PKHD1L1: variants seen among roughly 807,000 people sequenced by gnomAD.
PKHD1L1 encodes fibrocystin-L.
In PKHD1L1, 434 loss-of-function variants were observed where a neutral mutation model predicts 462.9. That is an observed-to-expected ratio of 0.94 (90% CI 0.87 to 1.02). The LOEUF (loss-of-function observed/expected upper bound fraction) is 1.02. Among genes scored for constraint, PKHD1L1 ranks in the 50% least tolerant of loss-of-function variants. PKHD1L1 has a pLI of 0.00. For synonymous variants in PKHD1L1, 1,781 were observed against 1,750.0 expected (o/e 1.02, Z -0.44); for missense variants, 5,202 against 5,096.1 (o/e 1.02, Z -0.63).
rs775156607 is a variant in PKHD1L1, at chr8:109,404,600, G to A, written c.1420G>A (p.Val474Ile). The A allele has an allele frequency of 6.3e-7, 1 of 1,596,530 alleles. No individual in the cohort carries two copies. The highest frequency in any genetic ancestry group is 2.3e-5 in the East Asian group (1 of 43,924). ...LLQEYRLSAF[V>I]DVGLYQYRNV... is the part of the protein sequence containing the mutation. ...GCAGGAGTACAGATTAAGTGCATTT[G>A]TTGATGTTGGACTGTACCAGTATCG... is the stretch of plus-strand genomic sequence containing the variant. The change falls in exon 15 of 78, where the codon GTT becomes ATT. Residue 474 changes from valine to isoleucine, a missense_variant. This residue lies in a region of PKHD1L1 where 4,497 missense variants were observed against 4,336.8 expected (regional missense o/e 1.04). Coordinates refer to ENST00000378402, the MANE Select transcript of PKHD1L1 (RefSeq NM_177531.6).
Position 109,515,945 on chromosome 8 carries a change from C to T in PKHD1L1, c.11689+640C>T, listed in dbSNP as rs148501982. On this transcript the variant is annotated intron_variant, in intron 72 of 77. Coordinates refer to ENST00000378402, the MANE Select transcript of PKHD1L1 (RefSeq NM_177531.6). ...ATCATTTTCTGATATGATCCATATT[C>T]TTGGCTAACCATTATATAGATGTGT... is the stretch of plus-strand genomic sequence containing the variant. 5.5e-4 allele frequency among the ~76,000 whole-genome samples: 83 copies of T among 152,188 alleles called. 1 individual carries two copies. Among genetic ancestry groups the T allele is most frequent in the Non-Finnish European group, 1.1e-3 (73 of 67,996 alleles).
At chr8:109,468,505 G>C (rs1817561036) in intron 50 of PKHD1L1, among the ~76,000 whole-genome samples, 1 of 152,166 alleles carries the variant, frequency 6.6e-6, no homozygotes, top group Non-Finnish European at 1.5e-5. Flanking sequence ...TAAGTACTCA[G>C]CAAGTGTTGA....
chr8:109,382,354 C>G, intron 3 of PKHD1L1, 109 bp from the exon 4 acceptor site: 1 of 810,852 alleles, frequency 1.2e-6, no homozygotes, highest in East Asian at 2.9e-5. Flanking sequence ...CGACGTTGGA[C>G]ACTTTCTGTC....
rs201440356 is a variant in PKHD1L1 at position 109,385,577 on chromosome 8, C to T, written c.516C>T (p.Val172=). ...TCCAAGGCAGAATCTTCACTGATGTCTATGGAAGTAATATTGCACTAAGCT... is the reference window on the plus strand; with the variant it reads ...TCCAAGGCAGAATCTTCACTGATGTTTATGGAAGTAATATTGCACTAAGCT... ...ITIQGRIFTD[V]YGSNIALSSN... The change falls in exon 6 of 78, where the codon GTC becomes GTT. Residue 172 remains valine, a synonymous_variant. Transcript: ENST00000378402. 775 of 1,605,812 alleles carry T rather than the reference C, an allele frequency of 4.8e-4. 4 individuals are homozygous for T. Among genetic ancestry groups the T allele is most frequent in the Middle Eastern group, 2.5e-3 (15 of 6,034 alleles).
rs1363041018 is a variant in PKHD1L1, at chr8:109,426,368, C to A, written c.2846-634C>A. On this transcript the variant is annotated intron_variant, in intron 24 of 77. Transcript: ENST00000378402. ...TCAAAATGAATTGATATGAAAATAT[C>A]GACTGATATTTGATATTTGTGAATT... Among the ~76,000 whole-genome samples, 9 of 151,676 alleles carry A rather than the reference C, an allele frequency of 5.9e-5. No homozygotes were observed. The South Asian group carries it at 1.9e-3, about 32-fold the overall frequency.
At chr8:109,376,504 G>C (rs1811840748) in intron 2 of PKHD1L1, among the ~76,000 whole-genome samples, 1 of 152,086 alleles carries the variant, frequency 6.6e-6, no homozygotes, top group Non-Finnish European at 1.5e-5. Context: ...TGCACCCACT[G>C]TCCTGCACCC....
chr8:109,411,320 A>G (rs1009481785), intron 19 of PKHD1L1, among the ~76,000 whole-genome samples: 2 of 152,182 alleles, frequency 1.3e-5, no homozygotes, highest in African/African-American at 4.8e-5. Flanking sequence ...GAAAAACTGT[A>G]AGAATAAAAA....
rs1242395446 is a variant in PKHD1L1, at chr8:109,530,956, A to T, written c.*866A>T. Among the ~76,000 whole-genome samples, 1 of 152,228 alleles carries T rather than the reference A, an allele frequency of 6.6e-6. No individual in the cohort carries two copies. The highest frequency in any genetic ancestry group is 2.4e-5 in the African/African-American group (1 of 41,454). On this transcript the variant is annotated 3_prime_UTR_variant, in exon 78 of 78. Transcript: ENST00000378402. ...TTCAAGAAGATAAATTAGAGAATGCAAAAAAGCTACAGACTAAGGTAGCTA... is the reference window on the plus strand; with the variant it reads ...TTCAAGAAGATAAATTAGAGAATGCTAAAAAGCTACAGACTAAGGTAGCTA...
intron 2 of PKHD1L1, among the ~76,000 whole-genome samples, chr8:109,371,631 G>A (rs1367342939): frequency 1.5e-5 from 2 of 132,118 alleles, no homozygotes; most frequent in Non-Finnish European, 3.3e-5. Context: ...GGTTTTTATG[G>A]TTTTAGGTCT....
At chr8:109,475,746 A>T (rs569658304) in intron 51 of PKHD1L1, among the ~76,000 whole-genome samples, 2 of 149,880 alleles carry the variant, frequency 1.3e-5, no homozygotes, top group Non-Finnish European at 3.0e-5. Context: ...ACTTGGGGAG[A>T]CTGGGGCAGG....
At position 109,443,709 on chromosome 8, in the gene PKHD1L1, T is replaced by A; in HGVS notation, c.4598T>A (p.Val1533Glu). The A allele has an allele frequency of 6.2e-7, 1 of 1,613,446 alleles. No individual in the cohort carries two copies. The highest frequency in any genetic ancestry group is 8.5e-7 in the Non-Finnish European group (1 of 1,179,620). Residue 1533 changes from valine (V) to glutamate (E), a missense_variant, in exon 37 of 78, where the codon GTG (valine) becomes GAG (glutamate). By Grantham distance (121) the Val-to-Glu change is moderately radical (BLOSUM62 -2). Around this residue, in one of 3 missense-constraint regions of PKHD1L1, gnomAD observed 4,497 missense variants for 4,336.8 expected, o/e 1.04. Coordinates refer to ENST00000378402, the MANE Select transcript of PKHD1L1 (RefSeq NM_177531.6). The stretch of plus-strand genomic sequence containing the variant: ...GAGAATTTGCACTTGGGAAGCTCTG[T>A]GGCAGGCTGCCTAGCAACAGAACCC... The part of the protein sequence containing the change: ...GPENLHLGSS[V>E]AGCLATEPLC...
chr8:109,513,754 T>C (rs1056923579), intron 71 of PKHD1L1, among the ~76,000 whole-genome samples: 2 of 152,076 alleles, frequency 1.3e-5, no homozygotes, highest in African/African-American at 2.4e-5. Context: ...TTTGCTCACA[T>C]TCCTCATCCA....
chr8:109,511,144 G>A (rs1819953455), intron 71 of PKHD1L1, among the ~76,000 whole-genome samples: 1 of 151,934 alleles, frequency 6.6e-6, no homozygotes, highest in African/African-American at 2.4e-5. Flanking sequence ...TCATCCCCTT[G>A]CCATATGCAC....
At chr8:109,503,942 T>C (rs1488562184) in intron 67 of PKHD1L1, among the ~76,000 whole-genome samples, 1 of 152,118 alleles carries the variant, frequency 6.6e-6, no homozygotes, top group Non-Finnish European at 1.5e-5. Flanking sequence ...GCTGGGGCGA[T>C]AGGAGTGATA....
intron 38 of PKHD1L1, among the ~76,000 whole-genome samples, chr8:109,447,095 C>A (rs1458518261): frequency 6.6e-6 from 1 of 152,056 alleles, no homozygotes; most frequent in Non-Finnish European, 1.5e-5. Flanking sequence ...TGGCGGCATG[C>A]ACCTGTAGTC....
intron 49 of PKHD1L1, among the ~76,000 whole-genome samples, chr8:109,465,643 C>T (rs1258740814): frequency 6.6e-6 from 1 of 152,084 alleles, no homozygotes; most frequent in Non-Finnish European, 1.5e-5. Context: ...CAGTCATGCT[C>T]CAGAAACATA....
chr8:109,408,168 G>T lies in PKHD1L1; in HGVS notation c.1933G>T (p.Ala645Ser), dbSNP rs202007554. The T allele has an allele frequency of 2.0e-5, 33 of 1,612,748 alleles. No homozygotes were observed. Among genetic ancestry groups the T allele is most frequent in the East Asian group, 2.2e-5 (1 of 44,812 alleles). ...ATTCACACTGAATTGGGATGGGATCGCTTCTAAGCCACTCACTCTATGGTC... is the reference window on the plus strand; with the variant it reads ...ATTCACACTGAATTGGGATGGGATCTCTTCTAAGCCACTCACTCTATGGTC... Reference protein sequence around the residue: ...ETFTLNWDGIASKPLTLWSSE... With the variant: ...ETFTLNWDGISSKPLTLWSSE... Residue 645 changes from alanine (A) to serine (S), a missense_variant, in exon 18 of 78, where the codon GCT (alanine) becomes TCT (serine). This residue lies in a region of PKHD1L1 where 4,497 missense variants were observed against 4,336.8 expected (regional missense o/e 1.04). Transcript: ENST00000378402.
intron 68 of PKHD1L1, 55 bp downstream of exon 68, chr8:109,504,547 T>G: frequency 9.2e-7 from 1 of 1,090,676 alleles, no homozygotes; most frequent in Non-Finnish European, 1.3e-6. Flanking sequence ...CATTCTCACT[T>G]CCTCCTGCTC....
At position 109,382,579 on chromosome 8, in the gene PKHD1L1, G is replaced by A. The variant is rs1812182360; in HGVS notation, c.417+8G>A. 1 of 1,598,286 alleles carries A rather than the reference G, an allele frequency of 6.3e-7. No homozygotes were observed. Among genetic ancestry groups the A allele is most frequent in the Non-Finnish European group, 8.5e-7 (1 of 1,170,696 alleles). ...TGGGAATGTACCTTCAACGTATGTAGGAATCTTCTCTTCAGTTTATGTATA... is the reference window on the plus strand; with the variant it reads ...TGGGAATGTACCTTCAACGTATGTAAGAATCTTCTCTTCAGTTTATGTATA... On this transcript the variant is annotated splice_region_variant and intron_variant, in intron 4 of 77. Transcript: ENST00000378402.
Sources: gnomAD v4.1 joint callset for allele counts (sites outside exome capture counted in the v4.1 genomes callset) on GRCh38, gnomAD v4.1.1 for gene constraint, gnomAD v4.1.1 regional missense constraint, MANE v1.5 for transcripts, NCBI Gene and HGNC (gene_info 2026-07-23, HGNC 2026-07-21) for gene names.